The following CUL2 variants were observed in gnomAD, a reference collection of about 807,000 sequenced individuals.
CUL2 encodes cullin-2.
CUL2 carries 22 observed loss-of-function variants against 110.2 expected under a neutral mutation model. The observed-to-expected ratio is 0.20, with a 90% confidence interval of 0.14 to 0.28. The LOEUF (loss-of-function observed/expected upper bound fraction) is 0.28, where lower values mean the gene tolerates loss of function less well. Ranked by LOEUF, CUL2 falls within the 10% of genes least tolerant of loss-of-function variation. The pLI is 1.00. For missense variants in CUL2, 631 were observed against 905.5 expected, an observed-to-expected ratio of 0.70 and a Z score of 3.89; for synonymous variants, 279 against 293.2, an observed-to-expected ratio of 0.95 and a Z score of 0.49.
chr10:35,086,162 G>A (rs1309389602), intron 1 of CUL2, among the ~76,000 whole-genome samples: 3 of 151,396 alleles, frequency 2.0e-5, no homozygotes, highest in Admixed American at 6.6e-5. Flanking sequence ...TTGAGCCCCT[G>A]CACTCCAGAC....
At chr10:35,081,981 CT>C (rs1178373881) in intron 1 of CUL2, among the ~76,000 whole-genome samples, 27 of 152,280 alleles carry the variant, frequency 1.8e-4, no homozygotes, top group African/African-American at 6.5e-4. Context: ...CCTCTAGCAA[CT>C]TTCTTGACAC....
chr10:35,046,216 A>T (rs765648749), intron 6 of CUL2, among the ~76,000 whole-genome samples: 1 of 152,262 alleles, frequency 6.6e-6, no homozygotes, highest in Non-Finnish European at 1.5e-5. Context: ...ATAAGGTCAC[A>T]CATGTGAGCT....
At chr10:35,057,758 A>G (rs1182188191) in intron 4 of CUL2, among the ~76,000 whole-genome samples, 1 of 152,140 alleles carries the variant, frequency 6.6e-6, no homozygotes, top group Non-Finnish European at 1.5e-5. Context: ...AAGTCACTGT[A>G]GTATTTTACA....
intron 1 of CUL2, among the ~76,000 whole-genome samples, chr10:35,078,131 C>A (rs965424481): frequency 6.6e-6 from 1 of 152,114 alleles, no homozygotes; most frequent in Non-Finnish European, 1.5e-5. Context: ...TCTTAACTTT[C>A]CTGTGAGTTT....
At chr10:35,040,418 TAG>T (rs1322245491) in intron 8 of CUL2, among the ~76,000 whole-genome samples, 1 of 152,170 alleles carries the variant, frequency 6.6e-6, no homozygotes. Context: ...GCTGTGTAAT[TAG>T]AGTTTCTGAA....
At chr10:35,121,666 G>A (rs1006441220) in intron 1 of CUL2, among the ~76,000 whole-genome samples, 2 of 151,978 alleles carry the variant, frequency 1.3e-5, no homozygotes, top group East Asian at 1.9e-4. Context: ...CTCCCTTAAT[G>A]AGGCATGGTG....
In CUL2 at chr10:35,009,246, T is replaced by C. The variant is rs1041738803; in HGVS notation, c.*1065A>G. 6.0e-5 allele frequency: 9 copies of C among 148,964 alleles called. No homozygotes were observed. Among genetic ancestry groups the C allele is most frequent in the Non-Finnish European group, 1.2e-4 (8 of 67,426 alleles). The allele number at this position is 148,964 out of a possible 1,614,324, so 9.2% of individuals were successfully genotyped here. ...AAAATAAACAAAATAATGGGATTTATATATGTGGCACCCAGTACAATGTAC... is the reference window on the plus strand; with the variant it reads ...AAAATAAACAAAATAATGGGATTTACATATGTGGCACCCAGTACAATGTAC... On this transcript the variant is annotated 3_prime_UTR_variant, in exon 21 of 21. Transcript: ENST00000374749.
chr10:35,101,777 G>C (rs1473498648), intron 1 of CUL2, among the ~76,000 whole-genome samples: 4 of 152,212 alleles, frequency 2.6e-5, no homozygotes, highest in African/African-American at 9.6e-5. Context: ...AACTAGAGCA[G>C]TTGCTATTGA....
chr10:35,116,834 G>C (rs955024186), intron 1 of CUL2, among the ~76,000 whole-genome samples: 1 of 152,056 alleles, frequency 6.6e-6, no homozygotes, highest in African/African-American at 2.4e-5. Flanking sequence ...GCGCACGCCT[G>C]TAGTCCCAGC....
rs202133506 is a variant in CUL2 at position 35,055,938 on chromosome 10, TC to T, written c.318-1400del. ...TCCCAGATATTCTGAGGGTAGTCAG[TC>T]CCCTTTCATCCGAGTCTCAGCACAG... is the stretch of plus-strand genomic sequence containing the variant. On this transcript the variant is annotated intron_variant, in intron 4 of 20. Coordinates refer to ENST00000374749, the MANE Select transcript of CUL2 (RefSeq NM_003591.4). Among the ~76,000 whole-genome samples, 400 of 152,262 alleles carry T rather than the reference TC, an allele frequency of 2.6e-3. 4 individuals are homozygous for T. Among genetic ancestry groups the T allele is most frequent in the African/African-American group, 8.9e-3 (368 of 41,560 alleles).
In CUL2 at chr10:35,039,051, C is replaced by A; in HGVS notation, c.746G>T (p.Arg249Leu). The A allele has an allele frequency of 6.2e-7, 1 of 1,602,826 alleles. No homozygotes were observed. Among genetic ancestry groups the A allele is most frequent in the East Asian group, 2.2e-5 (1 of 44,564 alleles). The change falls in exon 9 of 21, where the codon CGA becomes CTA. Residue 249 changes from arginine (R) to leucine (L), a missense_variant. Arg to Leu is a moderately radical substitution (Grantham distance 102). Coordinates refer to ENST00000374749, the MANE Select transcript of CUL2 (RefSeq NM_003591.4). ...VLGRLKDEEI[R>L]CRKYLHPSSY... is the part of the protein sequence containing the mutation. The stretch of plus-strand genomic sequence containing the variant: ...ACTTGGATGTAGGTATTTTCGACAT[C>A]GAATTTCTTCATCTTTTAATCTACC...
At chr10:35,057,624 G>A (rs1672265773) in intron 4 of CUL2, among the ~76,000 whole-genome samples, 1 of 149,210 alleles carries the variant, frequency 6.7e-6, no homozygotes, top group Non-Finnish European at 1.5e-5. Context: ...CTGCACTCCA[G>A]CCTGGGCGAC....
intron 1 of CUL2, among the ~76,000 whole-genome samples, chr10:35,126,039 A>T (rs1013727451): frequency 2.6e-5 from 4 of 152,184 alleles, no homozygotes; most frequent in African/African-American, 4.8e-5. Flanking sequence ...CATGTTGGCC[A>T]GGCTGCTCCT....
At chr10:35,117,891 AT>A (rs1232087993) in intron 1 of CUL2, among the ~76,000 whole-genome samples, 2 of 152,142 alleles carry the variant, frequency 1.3e-5, no homozygotes, top group African/African-American at 2.4e-5. Flanking sequence ...AATAGACTTG[AT>A]TTTTTTCAGA....
rs569357005 is a variant in CUL2, at chr10:35,114,916, A to C, written c.-51+11689T>G. Among the ~76,000 whole-genome samples the C allele has an allele frequency of 1.2e-3, 181 of 152,234 alleles. 1 individual carries two copies. The highest frequency in any genetic ancestry group is 4.3e-3 in the African/African-American group (179 of 41,560). On this transcript the variant is annotated intron_variant, in intron 1 of 5. Coordinates refer to the CUL2 transcript ENST00000685421. ...GACACCAATATAGAAACTATCTAAAATGGAGCACAAAGAAGCTGGGTGCAG... is the reference window on the plus strand; with the variant it reads ...GACACCAATATAGAAACTATCTAAACTGGAGCACAAAGAAGCTGGGTGCAG...
chr10:35,050,231 G>T (rs547002355), intron 5 of CUL2, among the ~76,000 whole-genome samples: 23 of 151,626 alleles, frequency 1.5e-4, no homozygotes, highest in African/African-American at 5.6e-4. Context: ...TGAGGCAGGA[G>T]AATTGCTTGA....
chr10:35,018,748 A>G (rs1375072882), intron 17 of CUL2, among the ~76,000 whole-genome samples: 1 of 127,790 alleles, frequency 7.8e-6, no homozygotes, highest in Non-Finnish European at 1.6e-5. Flanking sequence ...GGGTAACAAG[A>G]GCGAAACTCC....
chr10:35,108,155 G>A (rs1284199458), intron 1 of CUL2, among the ~76,000 whole-genome samples: 1 of 151,890 alleles, frequency 6.6e-6, no homozygotes, highest in Non-Finnish European at 1.5e-5. Context: ...ACCTGCCTAA[G>A]TGAGAAGTGA....
Position 35,029,610 on chromosome 10 carries a change from G to A in CUL2, c.1417C>T (p.Leu473=). The A allele has an allele frequency of 1.9e-6, 3 of 1,590,622 alleles. No individual in the cohort carries two copies. The highest frequency in any genetic ancestry group is 2.6e-6 in the Non-Finnish European group (3 of 1,173,212). ...QACGYEFTSK[L]HRMYTDMSVS... Reference sequence around the variant, plus strand: ...CTCATATCTGTATACATCCGATGTAGCTTGCTGGTAAACTCATAACCACAG... The same window carrying A: ...CTCATATCTGTATACATCCGATGTAACTTGCTGGTAAACTCATAACCACAG... Residue 473 remains leucine (L), a synonymous_variant, in exon 15 of 21, where the codon CTA becomes TTA. Coordinates refer to ENST00000374749, the MANE Select transcript of CUL2 (RefSeq NM_003591.4).
Sources: gnomAD v4.1 joint callset for allele counts (sites outside exome capture counted in the v4.1 genomes callset) on GRCh38, gnomAD v4.1.1 for gene constraint, MANE v1.5 for transcripts, NCBI Gene and HGNC (gene_info 2026-07-23, HGNC 2026-07-21) for gene names.